Variants in NSF observed in about 807,000 individuals in gnomAD.
NSF encodes N-ethylmaleimide sensitive factor, vesicle fusing ATPase, also known as vesicle-fusing ATPase.
A neutral mutation model predicts 50.3 loss-of-function variants in NSF; 14 were observed. That is an observed-to-expected ratio of 0.28 (90% CI 0.18 to 0.44). NSF has a LOEUF of 0.44. NSF is among the 20% of genes least tolerant of loss of function. The probability of loss-of-function intolerance (pLI) is 1.00; values close to 1 mark genes in which losing one functional copy is unlikely to be tolerated. For missense variants in NSF, 218 were observed against 504.3 expected, an observed-to-expected ratio of 0.43 and a Z score of 5.44; for synonymous variants, 109 against 175.7, an observed-to-expected ratio of 0.62 and a Z score of 3.00.
intron 2 of NSF, among the ~76,000 whole-genome samples, chr17:46,625,729 C>A (rs2058092181): frequency 1.1e-5 from 1 of 92,416 alleles, no homozygotes; most frequent in Non-Finnish European, 1.9e-5. Flanking sequence ...AAAATTACAG[C>A]ATTCTGAAAA....
At chr17:46,722,327 C>T (rs939430102) in intron 15 of NSF, among the ~76,000 whole-genome samples, 2 of 152,216 alleles carry the variant, frequency 1.3e-5, no homozygotes, top group Non-Finnish European at 2.9e-5. Flanking sequence ...CTGGCATCTT[C>T]TGTGTTGGGG....
intron 1 of NSF, among the ~76,000 whole-genome samples, chr17:46,605,715 TA>T (rs528349065): frequency 0.024 from 867 of 35,928 alleles, 2 homozygotes; most frequent in Middle Eastern, 0.11. Flanking sequence ...TCCTGAAGGC[TA>T]AAAAAAAAAA....
chr17:46,743,776 C>T (rs2059100756), intron 17 of NSF, among the ~76,000 whole-genome samples: 1 of 152,224 alleles, frequency 6.6e-6, no homozygotes, highest in South Asian at 2.1e-4. Context: ...TGCCAGAACC[C>T]TCTTCTCCAT....
At chr17:46,709,696 C>T (rs1188544987) in intron 13 of NSF, among the ~76,000 whole-genome samples, 1 of 151,920 alleles carries the variant, frequency 6.6e-6, no homozygotes, top group Non-Finnish European at 1.5e-5. Flanking sequence ...GGTTTCACCA[C>T]GTTGGCCAGG....
chr17:46,621,429 G>T, intron 1 of NSF, among the ~76,000 whole-genome samples: 1 of 113,080 alleles, frequency 8.8e-6, no homozygotes, highest in South Asian at 3.3e-4. Context: ...TGGGACTACA[G>T]GTGCCCGCCA....
chr17:46,633,865 G>A (rs1256519042), intron 4 of NSF, among the ~76,000 whole-genome samples: 1 of 122,758 alleles, frequency 8.1e-6, no homozygotes, highest in Non-Finnish European at 1.6e-5. Flanking sequence ...TACTTTCTAG[G>A]ATTTTTTTTT....
At chr17:46,753,327 A>G (rs2059202082) in intron 19 of NSF, among the ~76,000 whole-genome samples, 1 of 152,242 alleles carries the variant, frequency 6.6e-6, no homozygotes, top group Admixed American at 6.5e-5. Flanking sequence ...CAAATTGGAA[A>G]CGTGAAGTGA....
At chr17:46,613,221 T>C (rs2058028977) in intron 1 of NSF, among the ~76,000 whole-genome samples, 1 of 19,044 alleles carries the variant, frequency 5.3e-5, no homozygotes, top group Non-Finnish European at 1.7e-4. Flanking sequence ...GAGGTTACAG[T>C]GAGCTGTGAT....
At chr17:46,711,202 A>C in intron 14 of NSF, 83 bp downstream of exon 14, 1 of 1,277,316 alleles carries the variant, frequency 7.8e-7, no homozygotes, top group Non-Finnish European at 1.0e-6. Context: ...CATTCTAGAA[A>C]AGTGAATTCT....
At chr17:46,743,653 C>T (rs2059099377) in intron 17 of NSF, among the ~76,000 whole-genome samples, 1 of 152,162 alleles carries the variant, frequency 6.6e-6, no homozygotes. Flanking sequence ...ATGCATAAGA[C>T]ACTGGTTAAA....
chr17:46,631,175 A>G (rs1415687223), intron 4 of NSF, among the ~76,000 whole-genome samples: 1 of 140,238 alleles, frequency 7.1e-6, no homozygotes, highest in African/African-American at 3.1e-5. Context: ...TGGAATTTAA[A>G]CATTGGGGTT....
intron 15 of NSF, among the ~76,000 whole-genome samples, chr17:46,717,524 A>G (rs963438580): frequency 3.3e-5 from 5 of 152,146 alleles, no homozygotes; most frequent in African/African-American, 9.7e-5. Context: ...CAGCCTGACT[A>G]ACATGGTGAA....
At chr17:46,723,925 A>G (rs2058859145) in intron 15 of NSF, among the ~76,000 whole-genome samples, 1 of 152,144 alleles carries the variant, frequency 6.6e-6, no homozygotes, top group Admixed American at 6.5e-5. Flanking sequence ...GTGGCTTGTT[A>G]TTGCCTTTAC....
At position 46,755,801 on chromosome 17, in the gene NSF, G is replaced by A; in HGVS notation, c.2214-1G>A. The A allele has an allele frequency of 6.2e-7, 1 of 1,606,220 alleles. No homozygotes were observed. The highest frequency in any genetic ancestry group is 8.5e-7 in the Non-Finnish European group (1 of 1,178,418). ...TTTGTGTTTTGGTATTTCTTTTGCAGTAGCCCCCTTGATTTTGATTGAAAA... is the reference window on the plus strand; with the variant it reads ...TTTGTGTTTTGGTATTTCTTTTGCAATAGCCCCCTTGATTTTGATTGAAAA... On this transcript the variant is annotated splice_acceptor_variant, in intron 20 of 20. Coordinates refer to ENST00000398238, the MANE Select transcript of NSF (RefSeq NM_006178.4). LOFTEE classifies it high-confidence loss of function.
intron 1 of NSF, among the ~76,000 whole-genome samples, chr17:46,595,834 C>T (rs1461772535): frequency 7.1e-6 from 1 of 141,164 alleles, no homozygotes. Context: ...TTCAGCCTTT[C>T]TCTCCCTTAC....
rs2058760275 is a variant in NSF at position 46,715,573 on chromosome 17, G to T, written c.1761+1587G>T. Among the ~76,000 whole-genome samples the T allele has an allele frequency of 2.0e-5, 3 of 152,160 alleles. No individual in the cohort carries two copies. In the South Asian group the frequency reaches 6.2e-4, roughly 32 times the overall value. On this transcript the variant is annotated intron_variant, in intron 15 of 20. Transcript: ENST00000398238. ...CCACCAGCTGCCAGCTTCTACCTCA[G>T]ATGTACTCTGAGATGTGGGTGGATG...
chr17:46,703,680 CAAAAAAAAAAAAA>C (rs149212597), intron 12 of NSF, among the ~76,000 whole-genome samples: 3 of 37,718 alleles, frequency 8.0e-5, no homozygotes, highest in African/African-American at 3.3e-4. Context: ...GACTCCGTCT[CAAAAAAAAAAAAA>C]AAAAAAAAAA....
intron 19 of NSF, among the ~76,000 whole-genome samples, chr17:46,754,471 T>C (rs2059214450): frequency 6.6e-6 from 1 of 152,142 alleles, no homozygotes; most frequent in Non-Finnish European, 1.5e-5. Flanking sequence ...ACTCCTGCTC[T>C]GAAACATATT....
At position 46,751,601 on chromosome 17, in the gene NSF, C is replaced by A. The variant is rs370654068; in HGVS notation, c.2142C>A (p.Ile714=). The A allele has an allele frequency of 6.2e-7, 1 of 1,610,732 alleles. No individual in the cohort carries two copies. The highest frequency in any genetic ancestry group is 1.7e-5 in the Admixed American group (1 of 59,962). ...WIGIKKLLML[I]EMSLQMDPEY... The stretch of plus-strand genomic sequence containing the variant: ...GAATCAAGAAGTTACTAATGCTGAT[C>A]GAGATGTCCCTACAGGTAAGGTACT... Residue 714 remains isoleucine (I), a synonymous_variant, in exon 19 of 21, where the codon ATC becomes ATA. Transcript: ENST00000398238.
Sources: allele counts gnomAD v4.1 joint callset (sites outside exome capture counted in the v4.1 genomes callset), GRCh38; gene constraint gnomAD v4.1.1; transcripts MANE v1.5; gene names NCBI Gene and HGNC (gene_info 2026-07-23, HGNC 2026-07-21).